The following FOXP2 variants were observed in gnomAD, a reference collection of about 807,000 sequenced individuals.
The protein encoded by FOXP2 is forkhead box P2.
FOXP2 carries 12 observed loss-of-function variants against 115.8 expected under a neutral mutation model. The observed-to-expected ratio is 0.10, with a 90% CI of 0.07 to 0.17. The LOEUF (loss-of-function observed/expected upper bound fraction) is 0.17. Ranked by LOEUF, FOXP2 falls within the 10% of genes least tolerant of loss-of-function variation. FOXP2 has a pLI of 1.00. For synonymous variants in FOXP2, 328 were observed against 297.7 expected (o/e 1.10, Z -1.05); for missense variants, 629 against 843.5 (o/e 0.75, Z 3.15).
At chr7:114,380,292 T>C (rs1562895064) in intron 2 of FOXP2, among the ~76,000 whole-genome samples, 1 of 152,220 alleles carries the variant, frequency 6.6e-6, no homozygotes, top group Non-Finnish European at 1.5e-5. Context: ...TAGGTAAGCA[T>C]ACTTAGAGTC....
At chr7:114,223,734 C>T (rs577824141) in intron 1 of FOXP2, among the ~76,000 whole-genome samples, 5 of 151,094 alleles carry the variant, frequency 3.3e-5, no homozygotes, top group South Asian at 2.1e-4. Context: ...CCTCTGCCAC[C>T]GTATATGTTG....
chr7:114,548,457 A>C (rs1228837617), intron 3 of FOXP2, among the ~76,000 whole-genome samples: 1 of 152,180 alleles, frequency 6.6e-6, no homozygotes, highest in Admixed American at 6.5e-5. Flanking sequence ...ATAGTTTACC[A>C]AATATATTAG....
chr7:114,407,980 A>C (rs1407367001), intron 2 of FOXP2, among the ~76,000 whole-genome samples: 1 of 152,160 alleles, frequency 6.6e-6, no homozygotes, highest in East Asian at 1.9e-4. Flanking sequence ...AGGATATACA[A>C]AATATTTTAA....
At chr7:114,231,328 T>C (rs1416094770) in intron 1 of FOXP2, among the ~76,000 whole-genome samples, 1 of 152,152 alleles carries the variant, frequency 6.6e-6, no homozygotes, top group Non-Finnish European at 1.5e-5. Flanking sequence ...TTGCAATTCC[T>C]ATTAAAATCC....
rs892225280 is a variant in FOXP2, at chr7:114,423,895, A to G, written c.-10-2607A>G. On this transcript the variant is annotated intron_variant, in intron 1 of 16. Coordinates refer to ENST00000350908, the MANE Select transcript of FOXP2 (RefSeq NM_014491.4). ...AGTGAAATGTACAGTATAATCATCT[A>G]ATTACACAATCACCCTTCTTTTTTC... is the stretch of plus-strand genomic sequence containing the variant. 5.3e-5 allele frequency among the ~76,000 whole-genome samples: 8 copies of G among 151,576 alleles called. No individual in the cohort carries two copies. In the East Asian group the frequency reaches 1.4e-3, roughly 26 times the overall value.
chr7:114,479,883 A>G (rs1432774429), intron 2 of FOXP2, among the ~76,000 whole-genome samples: 1 of 151,462 alleles, frequency 6.6e-6, no homozygotes, highest in Non-Finnish European at 1.5e-5. Flanking sequence ...TTCACACTAG[A>G]CATAGTGCTT....
intron 16 of FOXP2, chr7:114,667,585 T>C (rs1410266509): frequency 2.6e-5 from 4 of 152,140 alleles, no homozygotes. Context: ...GGACATATCA[T>C]ATATGTCTTG....
intron 1 of FOXP2, among the ~76,000 whole-genome samples, chr7:114,168,629 G>A (rs1418933443): frequency 2.0e-5 from 3 of 152,110 alleles, no homozygotes; most frequent in Admixed American, 6.5e-5. Context: ...CTGACAATGC[G>A]ATAGAAAAGA....
At chr7:114,495,615 C>G (rs1375990428) in intron 2 of FOXP2, among the ~76,000 whole-genome samples, 3 of 148,720 alleles carry the variant, frequency 2.0e-5, no homozygotes, top group Non-Finnish European at 3.0e-5. Context: ...AAGCAATTCT[C>G]TTGCCTCAGC....
chr7:114,680,709 C>T (rs565622919), intron 16 of FOXP2, among the ~76,000 whole-genome samples: 3 of 150,298 alleles, frequency 2.0e-5, no homozygotes, highest in African/African-American at 7.4e-5. Context: ...CGTGCCACTG[C>T]ACTCCAGCCT....
intron 9 of FOXP2, 41 bp from the exon 10 acceptor site, chr7:114,653,885 G>C (rs1168046835): frequency 1.3e-6 from 2 of 1,580,334 alleles, no homozygotes; most frequent in East Asian, 2.2e-5. Flanking sequence ...AGCTGTATCA[G>C]TCATTTCTAA....
At chr7:114,157,125 T>C (rs1792692331) in intron 1 of FOXP2, among the ~76,000 whole-genome samples, 1 of 152,180 alleles carries the variant, frequency 6.6e-6, no homozygotes, top group Non-Finnish European at 1.5e-5. Context: ...CTATCTTCCA[T>C]ACCATTCCTT....
At chr7:114,572,596 G>A (rs149530094) in intron 3 of FOXP2, among the ~76,000 whole-genome samples, 47 of 151,840 alleles carry the variant, frequency 3.1e-4, no homozygotes, top group Admixed American at 1.1e-3. Context: ...TTTAAAAATA[G>A]TGCATTAAAA....
intron 2 of FOXP2, among the ~76,000 whole-genome samples, chr7:114,397,229 A>C (rs926500318): frequency 5.9e-5 from 9 of 152,316 alleles, no homozygotes; most frequent in Non-Finnish European, 2.9e-5. Flanking sequence ...TTATATATGA[A>C]AAAATAACAG....
rs1170031145 is a variant in FOXP2 at position 114,443,207 on chromosome 7, C to G, written c.168+16528C>G. On this transcript the variant is annotated intron_variant, in intron 2 of 16. Transcript: ENST00000350908. The stretch of plus-strand genomic sequence containing the variant: ...TCAGTATATAACATATGTACTGTCT[C>G]TACAATATTTAAAGATAACTCTTAC... 3.3e-5 allele frequency among the ~76,000 whole-genome samples: 5 copies of G among 152,088 alleles called. No homozygotes were observed. In the East Asian group the frequency reaches 9.6e-4, roughly 29 times the overall value.
intron 1 of FOXP2, among the ~76,000 whole-genome samples, chr7:114,239,048 C>A (rs1420106798): frequency 1.3e-5 from 2 of 151,484 alleles, no homozygotes; most frequent in Admixed American, 6.6e-5. Context: ...TATAGCTTTA[C>A]AAACTTTTGC....
intron 1 of FOXP2, among the ~76,000 whole-genome samples, chr7:114,106,200 C>T (rs1034511930): frequency 6.6e-6 from 1 of 151,970 alleles, no homozygotes. Context: ...TTTATCTCAC[C>T]TGTAAAATAT....
chr7:114,660,114 G>C (rs986915128), intron 13 of FOXP2, among the ~76,000 whole-genome samples: 24 of 152,164 alleles, frequency 1.6e-4, no homozygotes, highest in African/African-American at 5.5e-4. Flanking sequence ...GCTGCCACGG[G>C]AGTGAGGGCC....
intron 2 of FOXP2, among the ~76,000 whole-genome samples, chr7:114,499,953 C>T (rs1797491507): frequency 6.6e-6 from 1 of 152,064 alleles, no homozygotes. Flanking sequence ...CGGTGGCTCA[C>T]GCCTGTAATC....
Sources: allele counts gnomAD v4.1 joint callset (sites outside exome capture counted in the v4.1 genomes callset), GRCh38; gene constraint gnomAD v4.1.1; transcripts MANE v1.5; gene names NCBI Gene and HGNC (gene_info 2026-07-23, HGNC 2026-07-21).